EYS: variants seen among roughly 807,000 people sequenced by gnomAD.
EYS encodes the protein protein eyes shut homolog.
Under a neutral mutation model 282.1 loss-of-function variants are expected in EYS, and 250 were observed. The observed-to-expected ratio is 0.89, with a 90% CI of 0.80 to 0.98. The LOEUF (loss-of-function observed/expected upper bound fraction) is 0.98. Among genes scored for constraint, EYS ranks in the 50% least tolerant of loss-of-function variants. The probability of loss-of-function intolerance (pLI) is 0.00; values close to 1 mark genes in which losing one functional copy is unlikely to be tolerated. For missense variants in EYS, 4,016 were observed against 3,709.0 expected (o/e 1.08, Z -2.15); for synonymous variants, 1,355 against 1,282.9 (o/e 1.06, Z -1.20).
chr6:64,640,273 T>C (rs1300274946), intron 22 of EYS, among the ~76,000 whole-genome samples: 1 of 147,582 alleles, frequency 6.8e-6, no homozygotes, highest in Non-Finnish European at 1.5e-5. Flanking sequence ...TGCACATGTA[T>C]GTTTATTGCG....
rs183006442 is a variant in EYS at position 63,753,293 on chromosome 6, C to T, written c.8071+9168G>A. ...ATGGATGTTTTAGGAGTCTCAAAGG[C>T]TTATTTACAGAAGGTTTTGGCAGAT... On this transcript the variant is annotated intron_variant, in intron 41 of 42. Transcript: ENST00000503581. 4.0e-3 allele frequency among the ~76,000 whole-genome samples: 607 copies of T among 151,580 alleles called. 1 individual carries two copies. Among genetic ancestry groups the T allele is most frequent in the Middle Eastern group, 0.017 (5 of 294 alleles).
At chr6:64,261,220 T>C (rs1190023893) in intron 30 of EYS, among the ~76,000 whole-genome samples, 1 of 151,900 alleles carries the variant, frequency 6.6e-6, no homozygotes, top group Non-Finnish European at 1.5e-5. Flanking sequence ...AGGACATTGG[T>C]CTGGGCAAAG....
chr6:65,659,773 T>G, intron 1 of EYS, among the ~76,000 whole-genome samples: 1 of 151,800 alleles, frequency 6.6e-6, no homozygotes, highest in Admixed American at 6.6e-5. Flanking sequence ...CTTACTATTT[T>G]ATTTATTTAT....
intron 2 of EYS, among the ~76,000 whole-genome samples, chr6:65,548,397 T>C (rs951574638): frequency 2.0e-5 from 3 of 152,178 alleles, no homozygotes; most frequent in African/African-American, 7.2e-5. Flanking sequence ...CATTAAAAAA[T>C]TGCAACTTGT....
chr6:65,193,051 A>C (rs184214606), intron 12 of EYS, among the ~76,000 whole-genome samples: 11 of 151,978 alleles, frequency 7.2e-5, no homozygotes, highest in African/African-American at 2.6e-4. Context: ...GAGGTCATTA[A>C]GTGAAGTTAG....
intron 2 of EYS, among the ~76,000 whole-genome samples, chr6:65,600,875 C>G (rs1765594664): frequency 6.6e-6 from 1 of 151,506 alleles, no homozygotes; most frequent in East Asian, 1.9e-4. Flanking sequence ...AATTCCTTTC[C>G]CTATTGTTTT....
intron 30 of EYS, among the ~76,000 whole-genome samples, chr6:64,295,883 T>A (rs1768962065): frequency 6.6e-6 from 1 of 152,130 alleles, no homozygotes; most frequent in Non-Finnish European, 1.5e-5. Flanking sequence ...ACTTAAAAAC[T>A]TTTCTGATGA....
chr6:65,112,939 C>T (rs940611573), intron 12 of EYS, among the ~76,000 whole-genome samples: 17 of 151,982 alleles, frequency 1.1e-4, no homozygotes, highest in African/African-American at 3.9e-4. Context: ...AATCATTATA[C>T]CATTTTACTG....
At chr6:64,725,333 T>A (rs537030903) in intron 22 of EYS, among the ~76,000 whole-genome samples, 1 of 151,826 alleles carries the variant, frequency 6.6e-6, no homozygotes, top group Non-Finnish European at 1.5e-5. Flanking sequence ...GAGGAGAGGG[T>A]TTCATGTTTT....
At chr6:64,086,568 A>T (rs1167810606) in intron 31 of EYS, among the ~76,000 whole-genome samples, 1 of 152,152 alleles carries the variant, frequency 6.6e-6, no homozygotes, top group Non-Finnish European at 1.5e-5. Flanking sequence ...CTATCTTTGT[A>T]GAACGTTCTT....
intron 36 of EYS, among the ~76,000 whole-genome samples, chr6:63,851,071 A>T (rs985454728): frequency 6.6e-6 from 1 of 152,230 alleles, no homozygotes; most frequent in African/African-American, 2.4e-5. Context: ...ATCAAGAGAG[A>T]CAAAGAAGGG....
chr6:64,851,284 C>T (rs2150041850), intron 19 of EYS, among the ~76,000 whole-genome samples: 1 of 152,062 alleles, frequency 6.6e-6, no homozygotes, highest in South Asian at 2.1e-4. Flanking sequence ...GACATCTGGA[C>T]TTGTTGAAGG....
At chr6:65,467,096 A>C (rs890218707) in intron 5 of EYS, among the ~76,000 whole-genome samples, 1 of 152,128 alleles carries the variant, frequency 6.6e-6, no homozygotes, top group Non-Finnish European at 1.5e-5. Flanking sequence ...AATAGCTAAA[A>C]ATCTTCTTGT....
At chr6:64,579,765 C>G (rs1475208022) in intron 26 of EYS, among the ~76,000 whole-genome samples, 1 of 152,074 alleles carries the variant, frequency 6.6e-6, no homozygotes, top group Non-Finnish European at 1.5e-5. Flanking sequence ...AATCTTTGCT[C>G]AAGAACAGAC....
chr6:65,357,127 T>A (rs1323753163), intron 8 of EYS, among the ~76,000 whole-genome samples: 1 of 151,956 alleles, frequency 6.6e-6, no homozygotes, highest in Non-Finnish European at 1.5e-5. Flanking sequence ...TTCACTTTCA[T>A]CATGTTGTTG....
At chr6:65,416,520 G>T (rs1767243665) in intron 5 of EYS, among the ~76,000 whole-genome samples, 1 of 151,904 alleles carries the variant, frequency 6.6e-6, no homozygotes, top group Non-Finnish European at 1.5e-5. Flanking sequence ...TATTTTAGTA[G>T]AAATCATAAT....
intron 35 of EYS, among the ~76,000 whole-genome samples, chr6:63,963,900 C>T (rs1766190091): frequency 6.6e-6 from 1 of 152,146 alleles, no homozygotes; most frequent in Non-Finnish European, 1.5e-5. Context: ...AGTGTGAACT[C>T]CAGGTTCATT....
At chr6:65,255,507 A>T (rs188054809) in intron 12 of EYS, among the ~76,000 whole-genome samples, 2 of 152,212 alleles carry the variant, frequency 1.3e-5, no homozygotes, top group Admixed American at 6.6e-5. Context: ...CAAAATGTAA[A>T]AGTGGGATAA....
At chr6:64,754,470 C>T (rs1261894690) in intron 22 of EYS, among the ~76,000 whole-genome samples, 1 of 152,014 alleles carries the variant, frequency 6.6e-6, no homozygotes, top group Non-Finnish European at 1.5e-5. Flanking sequence ...GGAGGGATTC[C>T]TCCTAACTGG....
Sources: allele counts gnomAD v4.1 joint callset (sites outside exome capture counted in the v4.1 genomes callset), GRCh38; gene constraint gnomAD v4.1.1; transcripts MANE v1.5; gene names NCBI Gene and HGNC (gene_info 2026-07-23, HGNC 2026-07-21).